Variants in CMSS1 observed in about 807,000 individuals in gnomAD.
The protein encoded by CMSS1 is cms1 ribosomal small subunit homolog.
CMSS1 carries 33 observed loss-of-function variants against 43.5 expected under a neutral mutation model. The observed-to-expected ratio is 0.76, with a 90% confidence interval of 0.57 to 1.01. The LOEUF is 1.01. Ranked by LOEUF, CMSS1 falls within the 50% of genes least tolerant of loss-of-function variation. The probability of loss-of-function intolerance (pLI) is 0.00; values close to 1 mark genes in which losing one functional copy is unlikely to be tolerated. For synonymous variants in CMSS1, 115 were observed against 117.2 expected (o/e 0.98, Z 0.12); for missense variants, 313 against 326.4 (o/e 0.96, Z 0.32).
chr3:99,967,361 T>C (rs1708684697), intron 1 of CMSS1, among the ~76,000 whole-genome samples: 1 of 152,224 alleles, frequency 6.6e-6, no homozygotes, highest in South Asian at 2.1e-4. Flanking sequence ...GCACTTTACA[T>C]GCATTGAGAG....
At chr3:99,977,514 T>C (rs775660397) in intron 1 of CMSS1, among the ~76,000 whole-genome samples, 1 of 152,102 alleles carries the variant, frequency 6.6e-6, no homozygotes, top group Non-Finnish European at 1.5e-5. Flanking sequence ...TATACCTAAA[T>C]TACTTGTTTT....
intron 1 of CMSS1, among the ~76,000 whole-genome samples, chr3:99,946,051 C>A (rs1353230022): frequency 6.6e-6 from 1 of 152,164 alleles, no homozygotes; most frequent in Non-Finnish European, 1.5e-5. Context: ...AGATAAAGTT[C>A]TTGAAATTAT....
chr3:99,962,984 G>A (rs1404557479), intron 1 of CMSS1, among the ~76,000 whole-genome samples: 2 of 152,236 alleles, frequency 1.3e-5, no homozygotes, highest in Admixed American at 6.5e-5. Flanking sequence ...TTGCTGCATG[G>A]AAGAGATTGC....
rs188891889 is a variant in CMSS1 at position 99,988,387 on chromosome 3, C to T, written c.65-158586C>T. Among the ~76,000 whole-genome samples the T allele has an allele frequency of 2.5e-4, 37 of 149,282 alleles. No individual in the cohort carries two copies. In the East Asian group the frequency reaches 7.0e-3, roughly 28 times the overall value. On this transcript the variant is annotated intron_variant, in intron 1 of 9. Transcript: ENST00000421999. ...AATTAGCCAGGCATGGTGGCATGTGCCTGTAGTCCCAGCTACTCAGAGGCT... is the reference window on the plus strand; with the variant it reads ...AATTAGCCAGGCATGGTGGCATGTGTCTGTAGTCCCAGCTACTCAGAGGCT...
chr3:100,116,410 T>C (rs12488245), intron 1 of CMSS1, among the ~76,000 whole-genome samples: 63,166 of 151,978 alleles, frequency 0.42, 13,261 homozygotes, highest in South Asian at 0.46. Context: ...TCAGATGTGG[T>C]CCTCATGTTT....
At chr3:99,843,909 G>T (rs994055947) in intron 1 of CMSS1, among the ~76,000 whole-genome samples, 1 of 152,156 alleles carries the variant, frequency 6.6e-6, no homozygotes, top group Non-Finnish European at 1.5e-5. Context: ...CACATGCGAG[G>T]GGTCTAGGCT....
At chr3:100,070,976 G>A (rs1176416051) in intron 1 of CMSS1, among the ~76,000 whole-genome samples, 1 of 151,368 alleles carries the variant, frequency 6.6e-6, no homozygotes, top group East Asian at 2.0e-4. Flanking sequence ...TTCTCACTAT[G>A]TAATGCCCTT....
At chr3:99,984,110 C>T (rs1709260762) in intron 1 of CMSS1, among the ~76,000 whole-genome samples, 1 of 125,392 alleles carries the variant, frequency 8.0e-6, no homozygotes, top group South Asian at 2.6e-4. Context: ...ATCAGGTGCT[C>T]AGGTATGAAA....
At chr3:99,967,519 C>T (rs1415973848) in intron 1 of CMSS1, among the ~76,000 whole-genome samples, 1 of 152,072 alleles carries the variant, frequency 6.6e-6, no homozygotes, top group Non-Finnish European at 1.5e-5. Context: ...ACTAAGAGTC[C>T]CCTCCTGGCT....
At chr3:99,864,112 G>A (rs1358628288) in intron 1 of CMSS1, among the ~76,000 whole-genome samples, 1 of 152,166 alleles carries the variant, frequency 6.6e-6, no homozygotes, top group Non-Finnish European at 1.5e-5. Flanking sequence ...TTGCTGTTTT[G>A]AAATTATTAA....
Position 100,171,911 on chromosome 3 carries a change from C to T in CMSS1, c.579+12C>T. The T allele has an allele frequency of 1.2e-6, 2 of 1,608,358 alleles. No homozygotes were observed. The highest frequency in any genetic ancestry group is 1.3e-5 in the African/African-American group (1 of 74,922). On this transcript the variant is annotated intron_variant, in intron 7 of 9. Coordinates refer to ENST00000421999, the MANE Select transcript of CMSS1 (RefSeq NM_032359.4). The stretch of plus-strand genomic sequence containing the variant: ...CAAAGCACATAAAGGTAAGCAAGGG[C>T]CTGTGTGATCCCTAAAGGCCTCTCC...
At chr3:100,168,124 A>C (rs1390112126) in intron 6 of CMSS1, among the ~76,000 whole-genome samples, 1 of 152,226 alleles carries the variant, frequency 6.6e-6, no homozygotes, top group East Asian at 1.9e-4. Flanking sequence ...TTCTCTAAGG[A>C]GATGACAATT....
intron 1 of CMSS1, among the ~76,000 whole-genome samples, chr3:100,036,572 G>A (rs1274290941): frequency 6.6e-6 from 1 of 152,170 alleles, no homozygotes; most frequent in Non-Finnish European, 1.5e-5. Context: ...ACAGTAGAAT[G>A]CCTACTAATA....
At chr3:99,944,605 T>G (rs2107680580) in intron 1 of CMSS1, among the ~76,000 whole-genome samples, 1 of 152,342 alleles carries the variant, frequency 6.6e-6, no homozygotes, top group South Asian at 2.1e-4. Flanking sequence ...AACCGAAACC[T>G]AAAGAGGTTA....
chr3:99,827,855 C>T (rs1040747039), intron 1 of CMSS1, among the ~76,000 whole-genome samples: 1 of 151,592 alleles, frequency 6.6e-6, no homozygotes, highest in Non-Finnish European at 1.5e-5. Flanking sequence ...TCCACCGCCT[C>T]GGACTCCCAA....
At chr3:99,876,425 C>T (rs1308253802) in intron 1 of CMSS1, among the ~76,000 whole-genome samples, 1 of 152,234 alleles carries the variant, frequency 6.6e-6, no homozygotes, top group Non-Finnish European at 1.5e-5. Context: ...TCCTGTCGGG[C>T]TAACAAAGTC....
Position 99,817,878 on chromosome 3 carries a change from T to C in CMSS1, c.-102T>C. Reference sequence around the variant, plus strand: ...GGAGGCGACAGTGTCTAGCGGGAGCTCCGCGTGTAGCTACGCCGGCCGCCT... The same window carrying C: ...GGAGGCGACAGTGTCTAGCGGGAGCCCCGCGTGTAGCTACGCCGGCCGCCT... On this transcript the variant is annotated 5_prime_UTR_variant, in exon 1 of 10. Transcript: ENST00000421999. The C allele has an allele frequency of 8.1e-7, 1 of 1,232,614 alleles. No homozygotes were observed. Among genetic ancestry groups the C allele is most frequent in the Non-Finnish European group, 1.2e-6 (1 of 855,974 alleles). 76.4% of individuals were successfully genotyped at this position (1,232,614 alleles called of 1,614,324 possible).
chr3:99,850,569 C>A, intron 1 of CMSS1: 1 of 1,613,870 alleles, frequency 6.2e-7, no homozygotes. Flanking sequence ...CCACTTCAGC[C>A]ATGATACCAG....
chr3:99,922,876 T>C (rs1707168026), intron 1 of CMSS1, among the ~76,000 whole-genome samples: 1 of 152,212 alleles, frequency 6.6e-6, no homozygotes, highest in African/African-American at 2.4e-5. Context: ...TTATTTCTTA[T>C]TTTGTTTTTT....
Sources: gnomAD v4.1 joint callset for allele counts (sites outside exome capture counted in the v4.1 genomes callset) on GRCh38, gnomAD v4.1.1 for gene constraint, MANE v1.5 for transcripts, NCBI Gene and HGNC (gene_info 2026-07-23, HGNC 2026-07-21) for gene names.